BCL2: variants seen among roughly 807,000 people sequenced by gnomAD.
BCL2 encodes apoptosis regulator Bcl-2.
Under a neutral mutation model 14.2 loss-of-function variants are expected in BCL2, and 1 was observed. The ratio of observed to expected loss-of-function variants is 0.07; its 90% CI spans 0.02 to 0.33. BCL2 has a LOEUF of 0.33. Ranked by LOEUF, BCL2 falls within the 10% of genes least tolerant of loss-of-function variation. The pLI, the probability that BCL2 is intolerant of heterozygous loss-of-function variation, is 0.99. For synonymous variants in BCL2, 151 were observed against 137.2 expected, an observed-to-expected ratio of 1.10 and a Z score of -0.70; for missense variants, 247 against 305.9, an observed-to-expected ratio of 0.81 and a Z score of 1.44.
At chr18:63,171,189 T>G (rs568003070) in intron 2 of BCL2, among the ~76,000 whole-genome samples, 4 of 152,200 alleles carry the variant, frequency 2.6e-5, no homozygotes, top group Admixed American at 6.5e-5. Context: ...ATGGCCAGAG[T>G]TTACTAGTGT....
At chr18:63,279,563 T>C (rs531960446) in intron 2 of BCL2, among the ~76,000 whole-genome samples, 43 of 152,344 alleles carry the variant, frequency 2.8e-4, no homozygotes, top group African/African-American at 1.0e-3. Flanking sequence ...CTCTCATACA[T>C]GGCATTACAT....
At chr18:63,309,451 T>C (rs912498835) in intron 2 of BCL2, among the ~76,000 whole-genome samples, 3 of 152,198 alleles carry the variant, frequency 2.0e-5, no homozygotes, top group African/African-American at 4.8e-5. Context: ...GAAGACAGTA[T>C]CATTTTTTGA....
In BCL2 at chr18:63,297,316, CT is replaced by C. The variant is rs1599297508; in HGVS notation, c.585+20765del. On this transcript the variant is annotated intron_variant, in intron 2 of 2. Transcript: ENST00000333681. Reference sequence around the variant, plus strand: ...TTATTAAACTAATACATCCAAAATACTATCACTTCAACACAAAATTCTTATA... The same window carrying C: ...TTATTAAACTAATACATCCAAAATACATCACTTCAACACAAAATTCTTATA... Among the ~76,000 whole-genome samples the C allele has an allele frequency of 2.6e-5, 4 of 152,284 alleles. No homozygotes were observed. The East Asian group carries it at 7.7e-4, about 29-fold the overall frequency.
intron 2 of BCL2, among the ~76,000 whole-genome samples, chr18:63,200,582 G>A (rs1909662935): frequency 6.6e-6 from 1 of 152,186 alleles, no homozygotes; most frequent in Non-Finnish European, 1.5e-5. Context: ...AAATGATAGA[G>A]TTGGCAGTGG....
At chr18:63,294,574 G>A (rs1912749921) in intron 2 of BCL2, among the ~76,000 whole-genome samples, 1 of 152,074 alleles carries the variant, frequency 6.6e-6, no homozygotes, top group Non-Finnish European at 1.5e-5. Context: ...GGAGGCTGAG[G>A]CAGGAGAATC....
intron 2 of BCL2, among the ~76,000 whole-genome samples, chr18:63,203,948 AT>A (rs1909768651): frequency 1.3e-5 from 2 of 152,346 alleles, no homozygotes; most frequent in Middle Eastern, 6.8e-3. Context: ...AATTCAGTTT[AT>A]ATGCATTTCC....
intron 2 of BCL2, among the ~76,000 whole-genome samples, chr18:63,296,953 C>T (rs554535266): frequency 1.3e-5 from 2 of 152,186 alleles, no homozygotes; most frequent in Non-Finnish European, 2.9e-5. Context: ...TGGCTCACGC[C>T]TGTAATCCCA....
Position 63,318,904 on chromosome 18 carries a change from C to G in BCL2, c.-238G>C, listed in dbSNP as rs1203298622. 80 of 1,403,294 alleles carry G rather than the reference C, an allele frequency of 5.7e-5. No individual in the cohort carries two copies. The highest frequency in any genetic ancestry group is 7.4e-5 in the Non-Finnish European group (79 of 1,074,590). The allele number at this position is 1,403,294 out of a possible 1,614,324, so 86.9% of individuals were successfully genotyped here. A position where few individuals can be genotyped will look rare whatever the true frequency, so the allele number is the denominator to read the frequency against. On this transcript the variant is annotated 5_prime_UTR_variant, in exon 2 of 3. Transcript: ENST00000333681. The surrounding 1 kb of genome is among the most constrained non-coding windows in gnomAD (Gnocchi z 7.4). ...TTTCGGATCTTTATTTCATGAGGCACGTTATTATTAGTAAGTATTGTTAAT... is the reference window on the plus strand; with the variant it reads ...TTTCGGATCTTTATTTCATGAGGCAGGTTATTATTAGTAAGTATTGTTAAT...
intron 2 of BCL2, among the ~76,000 whole-genome samples, chr18:63,156,956 G>T (rs1239925506): frequency 6.6e-6 from 1 of 152,214 alleles, no homozygotes; most frequent in African/African-American, 2.4e-5. Context: ...GGAGCTAGCT[G>T]GTGAGTAGCT....
intron 2 of BCL2, among the ~76,000 whole-genome samples, chr18:63,194,090 T>A (rs892367079): frequency 6.6e-6 from 1 of 152,190 alleles, no homozygotes; most frequent in Non-Finnish European, 1.5e-5. Flanking sequence ...GTTTTTATTT[T>A]TCGATACAGT....
intron 2 of BCL2, among the ~76,000 whole-genome samples, chr18:63,199,844 A>T (rs1035023894): frequency 1.3e-5 from 2 of 152,108 alleles, no homozygotes; most frequent in African/African-American, 4.8e-5. Flanking sequence ...TCCTTTTTCA[A>T]TCAAGAAACC....
chr18:63,187,817 G>T (rs576470730), intron 2 of BCL2, among the ~76,000 whole-genome samples: 3 of 152,256 alleles, frequency 2.0e-5, no homozygotes, highest in Admixed American at 1.3e-4. Context: ...TACAGATTAC[G>T]TTACTTGAAT....
At chr18:63,135,080 A>G (rs985568395) in intron 2 of BCL2, among the ~76,000 whole-genome samples, 1 of 152,178 alleles carries the variant, frequency 6.6e-6, no homozygotes, top group African/African-American at 2.4e-5. Flanking sequence ...TAAATAGGTG[A>G]GGTGAGTGAA....
chr18:63,180,785 C>T (rs1261017602), intron 2 of BCL2, among the ~76,000 whole-genome samples: 1 of 152,198 alleles, frequency 6.6e-6, no homozygotes, highest in Non-Finnish European at 1.5e-5. Flanking sequence ...CTCCAGCTCC[C>T]GGGCCTCTCA....
rs549755074 is a variant in BCL2 at position 63,290,313 on chromosome 18, G to A, written c.585+27769C>T. Among the ~76,000 whole-genome samples, 19 of 152,122 alleles carry A rather than the reference G, an allele frequency of 1.2e-4. No homozygotes were observed. The South Asian group carries it at 1.4e-3, about 12-fold the overall frequency. The stretch of plus-strand genomic sequence containing the variant: ...CTGGAATTTGCAGAAATACCCATTT[G>A]AGAATCAGCTGCATACAGACGATAC... On this transcript the variant is annotated intron_variant, in intron 2 of 2. Coordinates refer to ENST00000333681, the MANE Select transcript of BCL2 (RefSeq NM_000633.3).
Position 63,149,943 on chromosome 18 carries a change from G to T in BCL2, c.586-21184C>A, listed in dbSNP as rs1163629456. On this transcript the variant is annotated intron_variant, in intron 2 of 2. Transcript: ENST00000333681. This position sits in a 1 kb window ranked among gnomAD's most constrained non-coding sequence, Gnocchi z 4.2. The stretch of plus-strand genomic sequence containing the variant: ...TACCCAGGCTGGAGTGCAGTGGTGC[G>T]ATCTCGGCTCACTGCAGCCTCTGCC... Among the ~76,000 whole-genome samples, 1 of 151,882 alleles carries T rather than the reference G, an allele frequency of 6.6e-6. No homozygotes were observed. Among genetic ancestry groups the T allele is most frequent in the Non-Finnish European group, 1.5e-5 (1 of 67,980 alleles).
At chr18:63,212,978 A>G (rs1372510202) in intron 2 of BCL2, among the ~76,000 whole-genome samples, 1 of 152,192 alleles carries the variant, frequency 6.6e-6, no homozygotes, top group African/African-American at 2.4e-5. Context: ...AGAAATTTCA[A>G]ATTTGTGAAT....
chr18:63,220,357 A>G (rs961575959), intron 2 of BCL2, among the ~76,000 whole-genome samples: 4 of 152,092 alleles, frequency 2.6e-5, no homozygotes, highest in African/African-American at 9.7e-5. Context: ...CACTCTGAAA[A>G]CTGTCCCAGC....
chr18:63,304,570 A>G (rs1193170149), intron 2 of BCL2, among the ~76,000 whole-genome samples: 1 of 152,102 alleles, frequency 6.6e-6, no homozygotes, highest in African/African-American at 2.4e-5. Flanking sequence ...TTGTTCTTTT[A>G]ATTTTTTTGT....
Sources: allele counts gnomAD v4.1 joint callset (sites outside exome capture counted in the v4.1 genomes callset), GRCh38; gene constraint gnomAD v4.1.1; non-coding constraint Gnocchi (gnomAD v3.1); transcripts MANE v1.5; gene names NCBI Gene and HGNC (gene_info 2026-07-23, HGNC 2026-07-21).